SEMA6A: variants seen among roughly 807,000 people sequenced by gnomAD.
SEMA6A encodes semaphorin 6A.
SEMA6A carries 25 observed loss-of-function variants against 96.8 expected under a neutral mutation model. The observed-to-expected ratio is 0.26, with a 90% confidence interval of 0.19 to 0.36. The LOEUF (loss-of-function observed/expected upper bound fraction) is 0.36, where lower values mean the gene tolerates loss of function less well. SEMA6A is among the 10% of genes least tolerant of loss of function. SEMA6A has a pLI of 1.00. For synonymous variants in SEMA6A, 612 were observed against 518.0 expected (o/e 1.18, Z -2.46); for missense variants, 1,363 against 1,323.1 (o/e 1.03, Z -0.47).
At chr5:116,522,347 C>T (rs1021530926) in intron 1 of SEMA6A, among the ~76,000 whole-genome samples, 4 of 152,106 alleles carry the variant, frequency 2.6e-5, no homozygotes, top group African/African-American at 9.7e-5. Context: ...CCTGCCAGTT[C>T]CCACTAAACT....
chr5:116,461,031 T>A (rs1561470092), intron 18 of SEMA6A, among the ~76,000 whole-genome samples: 2 of 152,190 alleles, frequency 1.3e-5, no homozygotes, highest in African/African-American at 4.8e-5. Flanking sequence ...TAAATCTTTA[T>A]GGGTCGTGTA....
Position 116,447,558 on chromosome 5 carries a change from G to A in SEMA6A, c.2148C>T (p.Asp716=), listed in dbSNP as rs3822369. Residue 716 remains aspartate (D), a synonymous_variant, in exon 19 of 19, where the codon GAC becomes GAT. Coordinates refer to ENST00000343348, the MANE Select transcript of SEMA6A (RefSeq NM_020796.5). ...GCGTGAGGATGGCCTCCGGCTTTGG[G>A]TCTTTGGATTGAGTGTCCCCAAAGA... ...SGLFGDTQSK[D]PKPEAILTPL... 270 of 1,614,060 alleles carry A rather than the reference G, an allele frequency of 1.7e-4. 3 individuals carry two copies. The East Asian group carries it at 6.0e-3, about 36-fold the overall frequency.
chr5:116,559,465 A>C (rs1376409884), intron 1 of SEMA6A, among the ~76,000 whole-genome samples: 1 of 152,042 alleles, frequency 6.6e-6, no homozygotes, highest in East Asian at 1.9e-4. Flanking sequence ...AAGACTATAA[A>C]ACCCCTGCCC....
chr5:116,515,535 T>A lies in SEMA6A; in HGVS notation c.-38-10553A>T, dbSNP rs761760201. ...ATTTTTCCTAGCCAGTAAAAAGATA[T>A]CTGGAGAGTGACTTTAAAGGAGCAA... is the stretch of plus-strand genomic sequence containing the variant. On this transcript the variant is annotated intron_variant, in intron 1 of 18. Transcript: ENST00000343348. Among the ~76,000 whole-genome samples, 7 of 152,186 alleles carry A rather than the reference T, an allele frequency of 4.6e-5. No homozygotes were observed. In the East Asian group the frequency reaches 9.6e-4, roughly 21 times the overall value.
intron 2 of SEMA6A, among the ~76,000 whole-genome samples, chr5:116,503,607 G>T (rs1339674221): frequency 1.3e-5 from 2 of 151,224 alleles, no homozygotes; most frequent in Non-Finnish European, 2.9e-5. Context: ...CGCCTCCCCA[G>T]TTCAAGGTAT....
chr5:116,482,113 A>AC (rs1264205746), intron 11 of SEMA6A, among the ~76,000 whole-genome samples: 1 of 151,652 alleles, frequency 6.6e-6, no homozygotes, highest in African/African-American at 2.4e-5. Context: ...GGAAATCACC[A>AC]CCCCCAACCC....
At position 116,467,825 on chromosome 5, in the gene SEMA6A, G is replaced by A. The variant is rs556700200; in HGVS notation, c.1730-78C>T. Reference sequence around the variant, plus strand: ...CCCTTTGCGCAGAGGCCTGGAGGTGGGACACCCAAGCTGGCTGTAAGACTG... The same window carrying A: ...CCCTTTGCGCAGAGGCCTGGAGGTGAGACACCCAAGCTGGCTGTAAGACTG... On this transcript the variant is annotated intron_variant, in intron 17 of 18. Coordinates refer to ENST00000343348, the MANE Select transcript of SEMA6A (RefSeq NM_020796.5). The A allele has an allele frequency of 5.4e-6, 8 of 1,480,504 alleles. No homozygotes were observed. The East Asian group carries it at 1.2e-4, about 22-fold the overall frequency. 91.7% of individuals were successfully genotyped at this position (1,480,504 alleles called of 1,614,324 possible).
chr5:116,549,621 G>C (rs910811102), intron 1 of SEMA6A, among the ~76,000 whole-genome samples: 3 of 152,116 alleles, frequency 2.0e-5, no homozygotes, highest in Non-Finnish European at 2.9e-5. Flanking sequence ...TTTATAATAA[G>C]TGGGAAATTA....
At chr5:116,511,156 G>A (rs1758384425) in intron 1 of SEMA6A, among the ~76,000 whole-genome samples, 1 of 152,144 alleles carries the variant, frequency 6.6e-6, no homozygotes, top group African/African-American at 2.4e-5. Flanking sequence ...TGAATAAAAT[G>A]ATATAGTTTT....
chr5:116,527,131 T>G (rs1759262341), intron 1 of SEMA6A, among the ~76,000 whole-genome samples: 1 of 152,172 alleles, frequency 6.6e-6, no homozygotes, highest in Non-Finnish European at 1.5e-5. Flanking sequence ...AAAGATGATA[T>G]TTATTGTGTC....
chr5:116,467,495 G>A, intron 18 of SEMA6A, 88 bp downstream of exon 18: 1 of 1,363,156 alleles, frequency 7.3e-7, no homozygotes, highest in Admixed American at 2.7e-5. Context: ...CTTAAATGCT[G>A]CCAAAATTCA....
At position 116,488,012 on chromosome 5, in the gene SEMA6A, G is replaced by A. The variant is rs754658272; in HGVS notation, c.744+96C>T. The A allele has an allele frequency of 1.7e-5, 13 of 759,540 alleles. 1 individual carries two copies. Among genetic ancestry groups the A allele is most frequent in the Non-Finnish European group, 2.6e-5 (12 of 461,818 alleles). 47.1% of individuals were successfully genotyped at this position (759,540 alleles called of 1,614,324 possible). On this transcript the variant is annotated intron_variant, in intron 9 of 18. Coordinates refer to ENST00000343348, the MANE Select transcript of SEMA6A (RefSeq NM_020796.5). ...GACCGCACTCTGTTATTAGATTTATGGCTCTCATTTCAAGATCATTTATAA... is the reference window on the plus strand; with the variant it reads ...GACCGCACTCTGTTATTAGATTTATAGCTCTCATTTCAAGATCATTTATAA...
At position 116,559,229 on chromosome 5, in the gene SEMA6A, G is replaced by T. The variant is rs189526476; in HGVS notation, c.-39+14956C>A. 2.2e-4 allele frequency among the ~76,000 whole-genome samples: 34 copies of T among 152,298 alleles called. 1 individual carries two copies. In the East Asian group the frequency reaches 6.0e-3, roughly 27 times the overall value. ...CAGCAGTCTTTGTGAAGAGCTGAGG[G>T]TGAGCACAATAGGACTAGTGAAAGA... On this transcript the variant is annotated intron_variant, in intron 1 of 18. Transcript: ENST00000343348.
At chr5:116,523,290 AAGGTCTTACTGGGGTGGGAGAC>A (rs1759047453) in intron 1 of SEMA6A, among the ~76,000 whole-genome samples, 2 of 151,882 alleles carry the variant, frequency 1.3e-5, no homozygotes, top group South Asian at 4.2e-4. Context: ...CTTGGGGTTT[AAGGTCTTACTGGGGTGGGAGAC>A]AGCAGTTTCT....
At chr5:116,476,066 G>A (rs896390555) in intron 15 of SEMA6A, among the ~76,000 whole-genome samples, 4 of 152,052 alleles carry the variant, frequency 2.6e-5, no homozygotes, top group Non-Finnish European at 4.4e-5. Context: ...AAACTTGGAC[G>A]ATAAAGTGTT....
At chr5:116,448,755 CAAAAA>C (rs3984966) in intron 18 of SEMA6A, among the ~76,000 whole-genome samples, 12 of 106,514 alleles carry the variant, frequency 1.1e-4, no homozygotes, top group South Asian at 3.3e-4. Flanking sequence ...CATCACCTCT[CAAAAA>C]AAAAAAAAAA....
intron 1 of SEMA6A, among the ~76,000 whole-genome samples, chr5:116,539,116 G>A (rs1304507410): frequency 2.6e-5 from 4 of 152,060 alleles, no homozygotes. Context: ...ACAACCCAAT[G>A]TCCCCAAAAT....
At chr5:116,469,606 G>C (rs1755983168) in intron 17 of SEMA6A, 1 of 152,166 alleles carries the variant, frequency 6.6e-6, no homozygotes, top group Non-Finnish European at 1.5e-5. Context: ...CCTCCAAGTA[G>C]CAAGATTTCT....
In SEMA6A at chr5:116,540,004, T is replaced by C. The variant is rs59554636; in HGVS notation, c.-39+34181A>G. On this transcript the variant is annotated intron_variant, in intron 1 of 18. Coordinates refer to ENST00000343348, the MANE Select transcript of SEMA6A (RefSeq NM_020796.5). ...GGAATTTTCTCATCTCACTATTTTC[T>C]GTTCGTTTTCCTTTCATTGCAAGTT... Among the ~76,000 whole-genome samples the C allele has an allele frequency of 7.4e-3, 1,130 of 152,318 alleles. 14 individuals are homozygous for C. The highest frequency in any genetic ancestry group is 0.025 in the African/African-American group (1,054 of 41,566).
Sources: gnomAD v4.1 joint callset for allele counts (sites outside exome capture counted in the v4.1 genomes callset) on GRCh38, gnomAD v4.1.1 for gene constraint, MANE v1.5 for transcripts, NCBI Gene and HGNC (gene_info 2026-07-23, HGNC 2026-07-21) for gene names.